The following CNNM2 variants were observed in gnomAD, a reference collection of about 807,000 sequenced individuals.
The protein encoded by CNNM2 is cyclin and CBS domain divalent metal cation transport mediator 2, also known as metal transporter CNNM2.
In CNNM2, 12 loss-of-function variants were observed where a neutral mutation model predicts 66.9. The ratio of observed to expected loss-of-function variants is 0.18; its 90% CI spans 0.11 to 0.29. The LOEUF is 0.29. Ranked by LOEUF, CNNM2 falls within the 10% of genes least tolerant of loss-of-function variation. CNNM2 has a pLI of 1.00. For synonymous variants in CNNM2, 557 were observed against 501.8 expected, an observed-to-expected ratio of 1.11 and a Z score of -1.47; for missense variants, 705 against 1,167.7, an observed-to-expected ratio of 0.60 and a Z score of 5.77.
At chr10:103,076,936 C>T (rs779027383) in intron 7 of CNNM2, 35 bp from the exon 8 acceptor site, 9 of 1,583,122 alleles carry the variant, frequency 5.7e-6, no homozygotes, top group Non-Finnish European at 7.8e-6. Flanking sequence ...TAAGCATTAT[C>T]TTGGTTTGTT....
intron 1 of CNNM2, among the ~76,000 whole-genome samples, chr10:102,937,809 G>C (rs1239038580): frequency 6.7e-6 from 1 of 150,170 alleles, no homozygotes; most frequent in Non-Finnish European, 1.5e-5. Flanking sequence ...TTTTTTGGTA[G>C]AGACAGGCTC....
intron 1 of CNNM2, among the ~76,000 whole-genome samples, chr10:102,971,246 CTAAAAAAAAAAAAAA>C (rs1263441154): frequency 7.6e-6 from 1 of 132,346 alleles, no homozygotes; most frequent in Non-Finnish European, 1.6e-5. Context: ...GACCTCGTCC[CTAAAAAAAAAAAAAA>C]GAAAAAAAAA....
chr10:103,004,545 C>T (rs1442074863), intron 1 of CNNM2, among the ~76,000 whole-genome samples: 1 of 152,146 alleles, frequency 6.6e-6, no homozygotes, highest in African/African-American at 2.4e-5. Context: ...GTAGATTCTG[C>T]TTCAGTAGTT....
intron 6 of CNNM2, among the ~76,000 whole-genome samples, chr10:103,073,638 G>GA: frequency 6.6e-6 from 1 of 152,072 alleles, no homozygotes; most frequent in African/African-American, 2.4e-5. Flanking sequence ...GAGGCGGGTG[G>GA]ATCATGAGGT....
rs117521106 is a variant in CNNM2 at position 103,032,704 on chromosome 10, T to C, written c.1622-17003T>C. Among the ~76,000 whole-genome samples, 2,307 of 150,852 alleles carry C rather than the reference T, an allele frequency of 0.015. 29 individuals carry two copies. The highest frequency in any genetic ancestry group is 0.048 in the Middle Eastern group (14 of 294). ...TTTTAAATAGCTGCATAGCATTCTA[T>C]TGCTGATAGAATCCTACTATATCCA... On this transcript the variant is annotated intron_variant, in intron 1 of 7. Coordinates refer to ENST00000369878, the MANE Select transcript of CNNM2 (RefSeq NM_017649.5).
At chr10:102,983,086 TTTGATA>T (rs937900300) in intron 1 of CNNM2, among the ~76,000 whole-genome samples, 4 of 152,066 alleles carry the variant, frequency 2.6e-5, no homozygotes, top group Non-Finnish European at 4.4e-5. Context: ...TTTGTTCAAC[TTTGATA>T]TTGATTTTAA....
At chr10:103,046,582 C>A (rs1200591170) in intron 1 of CNNM2, among the ~76,000 whole-genome samples, 1 of 152,176 alleles carries the variant, frequency 6.6e-6, no homozygotes, top group African/African-American at 2.4e-5. Flanking sequence ...CAGAGACCTT[C>A]AAAACATTGG....
At chr10:103,021,884 T>A (rs1231161890) in intron 1 of CNNM2, among the ~76,000 whole-genome samples, 2 of 152,292 alleles carry the variant, frequency 1.3e-5, no homozygotes, top group East Asian at 3.9e-4. Context: ...TGAATATATA[T>A]GTGTGTATGT....
chr10:103,062,288 TA>T (rs1243013461), intron 4 of CNNM2, among the ~76,000 whole-genome samples: 1 of 152,200 alleles, frequency 6.6e-6, no homozygotes, highest in East Asian at 1.9e-4. Flanking sequence ...GGTGGCATCT[TA>T]AAATTTATAC....
intron 1 of CNNM2, among the ~76,000 whole-genome samples, chr10:102,986,551 G>A (rs1258212601): frequency 6.6e-6 from 1 of 152,096 alleles, no homozygotes; most frequent in Admixed American, 6.5e-5. Flanking sequence ...GGGAGGCCGA[G>A]GTGGGCGGAT....
At chr10:102,958,289 C>T (rs1847123242) in intron 1 of CNNM2, among the ~76,000 whole-genome samples, 2 of 151,828 alleles carry the variant, frequency 1.3e-5, no homozygotes, top group South Asian at 4.2e-4. Flanking sequence ...ATTTGGGATT[C>T]CTCTCTACCC....
At position 103,050,408 on chromosome 10, in the gene CNNM2, A is replaced by G. The variant is rs550951775; in HGVS notation, c.1765+558A>G. ...TAGCTGGGCGTAGTGGTAGTGGTGCATGCCTGTAATTCCAGCTACTCTGGA... is the reference window on the plus strand; with the variant it reads ...TAGCTGGGCGTAGTGGTAGTGGTGCGTGCCTGTAATTCCAGCTACTCTGGA... On this transcript the variant is annotated intron_variant, in intron 2 of 7. Coordinates refer to ENST00000369878, the MANE Select transcript of CNNM2 (RefSeq NM_017649.5). Among the ~76,000 whole-genome samples the G allele has an allele frequency of 8.5e-5, 13 of 152,122 alleles. No individual in the cohort carries two copies. The South Asian group carries it at 2.7e-3, about 32-fold the overall frequency.
At chr10:102,979,245 AT>A (rs1211708920) in intron 1 of CNNM2, among the ~76,000 whole-genome samples, 6 of 152,240 alleles carry the variant, frequency 3.9e-5, no homozygotes, top group Non-Finnish European at 7.3e-5. Context: ...CTTTTAAAAT[AT>A]TTGTTAAATC....
chr10:103,018,983 T>C lies in CNNM2; in HGVS notation c.1622-30724T>C, dbSNP rs1647227701. On this transcript the variant is annotated intron_variant, in intron 1 of 7. Transcript: ENST00000369878. ...TTTACTCCTTTCTTAAAAGGATATT[T>C]ACGGCCGGGTGCAGTGGCTCACGCC... is the stretch of plus-strand genomic sequence containing the variant. Among the ~76,000 whole-genome samples, 4 of 148,730 alleles carry C rather than the reference T, an allele frequency of 2.7e-5. No individual in the cohort carries two copies. In the South Asian group the frequency reaches 8.9e-4, roughly 33 times the overall value.
At chr10:102,927,502 G>A (rs1845912008) in intron 1 of CNNM2, 1 of 1,559,666 alleles carries the variant, frequency 6.4e-7, no homozygotes, top group Admixed American at 1.9e-5. Context: ...GCTCATGCCT[G>A]TAATCCCGGC....
chr10:103,001,709 A>C (rs1387240406), intron 1 of CNNM2, among the ~76,000 whole-genome samples: 8 of 152,196 alleles, frequency 5.3e-5, no homozygotes, highest in Non-Finnish European at 1.2e-4. Flanking sequence ...GTACGAACTA[A>C]AGCTATAAAA....
At chr10:103,016,811 A>T (rs1164837470) in intron 1 of CNNM2, among the ~76,000 whole-genome samples, 1 of 152,120 alleles carries the variant, frequency 6.6e-6, no homozygotes, top group African/African-American at 2.4e-5. Flanking sequence ...TCTTGCCCGT[A>T]GCCTCCTTTC....
chr10:103,036,771 T>A (rs553227651), intron 1 of CNNM2, among the ~76,000 whole-genome samples: 1 of 152,242 alleles, frequency 6.6e-6, no homozygotes, highest in African/African-American at 2.4e-5. Flanking sequence ...GATAACCGTT[T>A]AGTGAGCTTT....
chr10:103,000,625 T>C (rs1380192082), intron 1 of CNNM2, among the ~76,000 whole-genome samples: 1 of 152,074 alleles, frequency 6.6e-6, no homozygotes, highest in African/African-American at 2.4e-5. Context: ...GGCTCATTTT[T>C]AGTAGAGTAA....
Sources: gnomAD v4.1 joint callset for allele counts (sites outside exome capture counted in the v4.1 genomes callset) on GRCh38, gnomAD v4.1.1 for gene constraint, MANE v1.5 for transcripts, NCBI Gene and HGNC (gene_info 2026-07-23, HGNC 2026-07-21) for gene names.